Variants in GRID2 observed in about 807,000 individuals in gnomAD.
GRID2 encodes glutamate ionotropic receptor delta type subunit 2.
GRID2 carries 33 observed loss-of-function variants against 114.8 expected under a neutral mutation model. The ratio of observed to expected loss-of-function variants is 0.29; its 90% CI spans 0.22 to 0.38. The LOEUF (loss-of-function observed/expected upper bound fraction) is 0.38. Ranked by LOEUF, GRID2 falls within the 10% of genes least tolerant of loss-of-function variation. The probability of loss-of-function intolerance (pLI) is 1.00; values close to 1 mark genes in which losing one functional copy is unlikely to be tolerated. For synonymous variants in GRID2, 505 were observed against 449.9 expected (o/e 1.12, Z -1.55); for missense variants, 1,184 against 1,257.7 (o/e 0.94, Z 0.89).
chr4:92,450,929 TA>T (rs1185516156), intron 1 of GRID2, among the ~76,000 whole-genome samples: 1 of 149,458 alleles, frequency 6.7e-6, no homozygotes, highest in Non-Finnish European at 1.5e-5. Flanking sequence ...TAAATAAATT[TA>T]AATTAAAATA....
chr4:93,119,792 C>G (rs1733611606), intron 4 of GRID2, among the ~76,000 whole-genome samples: 1 of 152,058 alleles, frequency 6.6e-6, no homozygotes, highest in South Asian at 2.1e-4. Flanking sequence ...ATTTAGGAAA[C>G]AAGGGAAGGT....
At chr4:92,679,433 C>T (rs1219015054) in intron 2 of GRID2, among the ~76,000 whole-genome samples, 1 of 152,054 alleles carries the variant, frequency 6.6e-6, no homozygotes, top group Non-Finnish European at 1.5e-5. Flanking sequence ...CTACTTCTAT[C>T]ACCCTGAAAT....
intron 11 of GRID2, among the ~76,000 whole-genome samples, chr4:93,480,929 T>C (rs188435340): frequency 1.0e-4 from 11 of 110,012 alleles, no homozygotes; most frequent in African/African-American, 2.9e-4. Context: ...AGGGAGGTTG[T>C]ATATAGGTTA....
At chr4:92,659,179 A>G (rs1732401857) in intron 2 of GRID2, among the ~76,000 whole-genome samples, 1 of 151,722 alleles carries the variant, frequency 6.6e-6, no homozygotes, top group Non-Finnish European at 1.5e-5. Context: ...AAAGTAATAT[A>G]GCATCTAAAT....
At chr4:92,584,976 A>G (rs1187436549) in intron 1 of GRID2, among the ~76,000 whole-genome samples, 1 of 152,076 alleles carries the variant, frequency 6.6e-6, no homozygotes, top group Admixed American at 6.6e-5. Context: ...GTTTACAAAA[A>G]CAACATGATT....
At chr4:92,592,823 A>G (rs374422852) in intron 2 of GRID2, among the ~76,000 whole-genome samples, 2 of 151,516 alleles carry the variant, frequency 1.3e-5, no homozygotes, top group Admixed American at 1.3e-4. Context: ...TATTTATAGA[A>G]TTTTTTTTGT....
At position 93,415,938 on chromosome 4, in the gene GRID2, T is replaced by C. The variant is rs564256312; in HGVS notation, c.1348-6833T>C. On this transcript the variant is annotated intron_variant, in intron 9 of 15. Transcript: ENST00000282020. ...TTTACTTTTATCATTTGTAATTGTATCTTATTGTCTGGTAAAAACATTTAA... is the reference window on the plus strand; with the variant it reads ...TTTACTTTTATCATTTGTAATTGTACCTTATTGTCTGGTAAAAACATTTAA... Among the ~76,000 whole-genome samples the C allele has an allele frequency of 5.9e-5, 9 of 152,080 alleles. No individual in the cohort carries two copies. The East Asian group carries it at 1.7e-3, about 29-fold the overall frequency.
At chr4:92,933,921 A>C (rs1228053338) in intron 2 of GRID2, among the ~76,000 whole-genome samples, 2 of 151,682 alleles carry the variant, frequency 1.3e-5, no homozygotes, top group African/African-American at 4.8e-5. Flanking sequence ...GTAGAAGGTA[A>C]TTATTTACAT....
chr4:92,612,368 G>C (rs1199934120), intron 2 of GRID2, among the ~76,000 whole-genome samples: 2 of 151,294 alleles, frequency 1.3e-5, no homozygotes, highest in East Asian at 1.9e-4. Flanking sequence ...GGCAAGTTTT[G>C]AAATCTTGAA....
At chr4:93,504,426 G>A (rs1322712688) in intron 12 of GRID2, among the ~76,000 whole-genome samples, 1 of 151,884 alleles carries the variant, frequency 6.6e-6, no homozygotes, top group Non-Finnish European at 1.5e-5. Flanking sequence ...TATGGAATAG[G>A]GAGTAAGCTT....
At chr4:93,746,144 T>C (rs903076386) in intron 14 of GRID2, among the ~76,000 whole-genome samples, 1 of 152,104 alleles carries the variant, frequency 6.6e-6, no homozygotes, top group Admixed American at 6.6e-5. Flanking sequence ...AAAGGACAAG[T>C]GGTATCCTGA....
At position 93,317,346 on chromosome 4, in the gene GRID2, C is replaced by A. The variant is rs1255806479; in HGVS notation, c.1246-78261C>A. On this transcript the variant is annotated intron_variant, in intron 8 of 15. Transcript: ENST00000282020. ...AGGTTTTTTTTTTTTCCTTGAAATG[C>A]TTTTAGTCATTTTGGCTTATTGTAC... is the stretch of plus-strand genomic sequence containing the variant. Among the ~76,000 whole-genome samples the A allele has an allele frequency of 2.0e-5, 3 of 150,208 alleles. No individual in the cohort carries two copies. In the East Asian group the frequency reaches 5.8e-4, roughly 29 times the overall value.
intron 2 of GRID2, among the ~76,000 whole-genome samples, chr4:92,661,511 C>T (rs552578942): frequency 6.6e-6 from 1 of 150,822 alleles, no homozygotes; most frequent in South Asian, 2.1e-4. Context: ...AGCTATGTGC[C>T]TCATTTCTTA....
At chr4:93,171,615 TG>T (rs1238130923) in intron 4 of GRID2, among the ~76,000 whole-genome samples, 1 of 152,224 alleles carries the variant, frequency 6.6e-6, no homozygotes, top group Non-Finnish European at 1.5e-5. Flanking sequence ...TTAAATAACT[TG>T]TCCACGTAGG....
At chr4:93,106,044 T>G (rs1439513865) in intron 3 of GRID2, among the ~76,000 whole-genome samples, 1 of 152,202 alleles carries the variant, frequency 6.6e-6, no homozygotes, top group Non-Finnish European at 1.5e-5. Context: ...CCCAGTCTTA[T>G]GTTTAATAAC....
chr4:93,205,537 T>C (rs1742634680), intron 4 of GRID2, among the ~76,000 whole-genome samples: 1 of 152,182 alleles, frequency 6.6e-6, no homozygotes, highest in Non-Finnish European at 1.5e-5. Context: ...TGTGCCACAT[T>C]TGCTTAATCC....
intron 2 of GRID2, among the ~76,000 whole-genome samples, chr4:92,801,106 TTAGAA>T (rs377658942): frequency 1.3e-3 from 200 of 152,122 alleles, no homozygotes; most frequent in African/African-American, 4.7e-3. Context: ...AGCACTTTTC[TTAGAA>T]TACATTATTA....
chr4:92,438,105 G>A (rs143784875), intron 1 of GRID2, among the ~76,000 whole-genome samples: 120 of 152,134 alleles, frequency 7.9e-4, no homozygotes, highest in African/African-American at 2.7e-3. Context: ...ACTTTCCATC[G>A]TTGGTATTGT....
At chr4:93,675,839 CA>C (rs1197378013) in intron 14 of GRID2, among the ~76,000 whole-genome samples, 3 of 152,136 alleles carry the variant, frequency 2.0e-5, no homozygotes, top group Non-Finnish European at 4.4e-5. Flanking sequence ...AAAGTAAAAG[CA>C]TTATAGTGTA....
Sources: allele counts gnomAD v4.1 joint callset (sites outside exome capture counted in the v4.1 genomes callset), GRCh38; gene constraint gnomAD v4.1.1; transcripts MANE v1.5; gene names NCBI Gene and HGNC (gene_info 2026-07-23, HGNC 2026-07-21).